Variants in ZNF81 observed in about 807,000 individuals in gnomAD.
ZNF81 encodes zinc finger protein 81, also known as zinc finger protein 81 (HFZ20).
Under a neutral mutation model 32.3 loss-of-function variants are expected in ZNF81, and 5 were observed. The ratio of observed to expected loss-of-function variants is 0.15; its 90% CI spans 0.08 to 0.33. The LOEUF is 0.33. ZNF81 is among the 10% of genes least tolerant of loss of function. The pLI is 1.00. For synonymous variants in ZNF81, 163 were observed against 166.8 expected, an observed-to-expected ratio of 0.98 and a Z score of 0.17; for missense variants, 379 against 479.8, an observed-to-expected ratio of 0.79 and a Z score of 1.96.
chrX:47,900,173 G>A (rs1250214295), intron 4 of ZNF81, among the ~76,000 whole-genome samples: 4 of 111,243 alleles, frequency 3.6e-5, no homozygotes, highest in South Asian at 7.5e-4. Flanking sequence ...GAAAAAGTAC[G>A]GAGGATTGAC....
chrX:47,912,902 C>G (rs2058743858), intron 4 of ZNF81, among the ~76,000 whole-genome samples: 1 of 111,280 alleles, frequency 9.0e-6, no homozygotes, highest in African/African-American at 3.3e-5. Context: ...CATCCATATG[C>G]CTGGATGCTA....
In ZNF81 at chrX:47,925,307, C is replaced by T. The variant is rs1556892518; in HGVS notation, c.*8675C>T. Among the ~76,000 whole-genome samples, 3 of 111,514 alleles carry T rather than the reference C, an allele frequency of 2.7e-5. No individual in the cohort carries two copies. Reference sequence around the variant, plus strand: ...CCTTATGCCTCTTTGTCATTCAGCCCCCTTTCCCCACATTCTTCCCACATC... The same window carrying T: ...CCTTATGCCTCTTTGTCATTCAGCCTCCTTTCCCCACATTCTTCCCACATC... On this transcript the variant is annotated 3_prime_UTR_variant, in exon 5 of 5. Transcript: ENST00000338637.
chrX:47,885,830 G>A (rs1569385197), intron 2 of ZNF81, among the ~76,000 whole-genome samples: 1 of 111,779 alleles, frequency 8.9e-6, no homozygotes, highest in East Asian at 2.8e-4. Flanking sequence ...ATGAATTTTG[G>A]AGGGACAACA....
In ZNF81 at chrX:47,915,420, A is replaced by T. The variant is rs782291233; in HGVS notation, c.774A>T (p.Lys258Asn). 8.3e-6 allele frequency: 10 copies of T among 1,211,649 alleles called. No homozygotes were observed. In the South Asian group the frequency reaches 1.6e-4, roughly 19 times the overall value. The change falls in exon 5 of 5, where the codon AAA (lysine) becomes AAT (asparagine). Residue 258 changes from lysine (K) to asparagine (N), a missense_variant. Transcript: ENST00000338637. ...AATGTGGAAAAGTCCTCAGCCTCAA[A>T]CACTCACTCAGTCAAAATGTGAAAT... ...RNQCGKVLSL[K>N]HSLSQNVKFP...
chrX:47,858,237 A>G (rs941996783), intron 2 of ZNF81, among the ~76,000 whole-genome samples: 1 of 112,182 alleles, frequency 8.9e-6, no homozygotes, highest in East Asian at 2.8e-4. Context: ...CAAAATTTCA[A>G]CATCCATTCT....
chrX:47,886,591 C>T (rs1286607838), intron 2 of ZNF81, among the ~76,000 whole-genome samples: 1 of 102,686 alleles, frequency 9.7e-6, no homozygotes, highest in Non-Finnish European at 2.0e-5. Context: ...CTTTTCTTTT[C>T]TCTCTCTCTC....
In ZNF81 at chrX:47,923,366, G is replaced by C. The variant is rs1377429899; in HGVS notation, c.*6734G>C. ...GGAGTAACAGGAAAAGCAGGCCTAA[G>C]ACCAAAGCTTGTGCTTTGGGTCGAG... On this transcript the variant is annotated 3_prime_UTR_variant, in exon 5 of 5. Coordinates refer to ENST00000338637, the MANE Select transcript of ZNF81 (RefSeq NM_007137.5). Among the ~76,000 whole-genome samples the C allele has an allele frequency of 1.8e-5, 2 of 111,362 alleles. No homozygotes were observed. The highest frequency in any genetic ancestry group is 3.8e-5 in the Non-Finnish European group (2 of 53,036).
In ZNF81 at chrX:47,922,337, C is replaced by A. The variant is rs1556892041; in HGVS notation, c.*5705C>A. On this transcript the variant is annotated 3_prime_UTR_variant, in exon 5 of 5. Coordinates refer to ENST00000338637, the MANE Select transcript of ZNF81 (RefSeq NM_007137.5). ...TTTTCAAAAATGGGATCATAACATACAACCATCTCTGCAGCTTGCTTTATT... is the reference window on the plus strand; with the variant it reads ...TTTTCAAAAATGGGATCATAACATAAAACCATCTCTGCAGCTTGCTTTATT... The A allele has an allele frequency of 1.8e-5, 2 of 112,258 alleles. No individual in the cohort carries two copies. Among genetic ancestry groups the A allele is most frequent in the Admixed American group, 1.9e-4 (2 of 10,615 alleles). 9.3% of individuals were successfully genotyped at this position (112,258 alleles called of 1,213,427 possible). A position where few individuals can be genotyped will look rare whatever the true frequency, so the allele number is the denominator to read the frequency against.
At chrX:47,880,291 C>A (rs1556884987) in intron 2 of ZNF81, among the ~76,000 whole-genome samples, 4 of 112,364 alleles carry the variant, frequency 3.6e-5, no homozygotes, top group African/African-American at 9.7e-5. Flanking sequence ...CAGCTCATTG[C>A]AGCCTCGACC....
chrX:47,913,037 A>G (rs2058744495), intron 4 of ZNF81, among the ~76,000 whole-genome samples: 1 of 111,429 alleles, frequency 9.0e-6, no homozygotes, highest in Admixed American at 9.6e-5. Flanking sequence ...TAGGTCCAAG[A>G]AAACAATTAC....
chrX:47,874,233 G>A (rs782762329), intron 2 of ZNF81, among the ~76,000 whole-genome samples: 12 of 112,163 alleles, frequency 1.1e-4, no homozygotes, highest in Non-Finnish European at 2.3e-4. Flanking sequence ...TAGCAGAAAG[G>A]GGTTCAAGTA....
At chrX:47,889,386 A>G (rs2058654561) in intron 3 of ZNF81, among the ~76,000 whole-genome samples, 1 of 112,274 alleles carries the variant, frequency 8.9e-6, no homozygotes, top group African/African-American at 3.2e-5. Flanking sequence ...CCTTCAAGAA[A>G]AGGGAAGAAT....
chrX:47,874,344 T>A (rs909167950), intron 2 of ZNF81, among the ~76,000 whole-genome samples: 1 of 112,141 alleles, frequency 8.9e-6, no homozygotes, highest in Admixed American at 9.4e-5. Flanking sequence ...CTATTCCTCC[T>A]ATTGTGACAG....
chrX:47,899,197 T>C (rs1556887609), intron 4 of ZNF81, among the ~76,000 whole-genome samples: 1 of 111,542 alleles, frequency 9.0e-6, no homozygotes, highest in African/African-American at 3.3e-5. Context: ...ACTTCAGTCT[T>C]TCACCATTAA....
chrX:47,848,058 G>T (rs2148005739), intron 2 of ZNF81, among the ~76,000 whole-genome samples: 1 of 110,399 alleles, frequency 9.1e-6, no homozygotes, highest in East Asian at 2.9e-4. Context: ...GGGACTACAG[G>T]CACCCGCCAC....
At position 47,915,419 on chromosome X, in the gene ZNF81, A is replaced by C. The variant is rs782563379; in HGVS notation, c.773A>C (p.Lys258Thr). ...RNQCGKVLSL[K>T]HSLSQNVKFP... ...CAATGTGGAAAAGTCCTCAGCCTCAAACACTCACTCAGTCAAAATGTGAAA... is the reference window on the plus strand; with the variant it reads ...CAATGTGGAAAAGTCCTCAGCCTCACACACTCACTCAGTCAAAATGTGAAA... Residue 258 changes from lysine to threonine, a missense_variant, in exon 5 of 5, where the codon AAA becomes ACA. Around this residue, in one of 2 missense-constraint regions of ZNF81, gnomAD observed 277 missense variants for 306.6 expected, o/e 0.90. Transcript: ENST00000338637. The C allele has an allele frequency of 8.3e-6, 10 of 1,211,752 alleles. No homozygotes were observed. In the South Asian group the frequency reaches 1.6e-4, roughly 19 times the overall value.
intron 3 of ZNF81, among the ~76,000 whole-genome samples, chrX:47,892,650 A>G (rs1487522759): frequency 8.9e-6 from 1 of 112,533 alleles, no homozygotes; most frequent in Non-Finnish European, 1.9e-5. Flanking sequence ...ATCTCTGCTT[A>G]GTGGGCCCAT....
chrX:47,880,032 C>G (rs1176522315), intron 2 of ZNF81, among the ~76,000 whole-genome samples: 2 of 112,095 alleles, frequency 1.8e-5, no homozygotes, highest in African/African-American at 6.5e-5. Flanking sequence ...GAGGCTTGAT[C>G]AATTCAGATT....
At position 47,917,174 on chromosome X, in the gene ZNF81, A is replaced by G. The variant is rs1408567650; in HGVS notation, c.*542A>G. The G allele has an allele frequency of 1.4e-5, 4 of 292,464 alleles. No homozygotes were observed. The highest frequency in any genetic ancestry group is 1.1e-4 in the African/African-American group (4 of 36,365). The allele number at this position is 292,464 out of a possible 1,213,427, so 24.1% of individuals were successfully genotyped here. ...TAATTATGTCCATCAAATGTTTCTT[A>G]CTGAATATGTCTATCAAATATGTTT... On this transcript the variant is annotated 3_prime_UTR_variant, in exon 5 of 5. Transcript: ENST00000338637.
Sources: gnomAD v4.1 joint callset for allele counts (sites outside exome capture counted in the v4.1 genomes callset) on GRCh38, gnomAD v4.1.1 for gene constraint, gnomAD v4.1.1 regional missense constraint, MANE v1.5 for transcripts, NCBI Gene and HGNC (gene_info 2026-07-23, HGNC 2026-07-21) for gene names.